Variants in ULK2 observed in about 807,000 individuals in gnomAD.
ULK2 encodes serine/threonine-protein kinase ULK2.
A neutral mutation model predicts 127.5 loss-of-function variants in ULK2; 76 were observed. The ratio of observed to expected loss-of-function variants is 0.60; its 90% CI spans 0.50 to 0.72. ULK2 has a LOEUF of 0.72. ULK2 is among the 30% of genes least tolerant of loss of function. ULK2 has a pLI of 0.00. For missense variants in ULK2, 1,144 were observed against 1,295.9 expected, an observed-to-expected ratio of 0.88 and a Z score of 1.80; for synonymous variants, 452 against 461.9, an observed-to-expected ratio of 0.98 and a Z score of 0.28.
chr17:19,846,119 C>T (rs1047325593), intron 6 of ULK2, among the ~76,000 whole-genome samples: 1 of 152,082 alleles, frequency 6.6e-6, no homozygotes, highest in African/African-American at 2.4e-5. Flanking sequence ...GAGCGAGACT[C>T]CATCTCAGAC....
At chr17:19,835,452 C>T (rs1392844381) in intron 10 of ULK2, among the ~76,000 whole-genome samples, 1 of 151,280 alleles carries the variant, frequency 6.6e-6, no homozygotes, top group Non-Finnish European at 1.5e-5. Context: ...CGCGGTGGCT[C>T]ACGCCTGTAA....
rs1224296072 is a variant in ULK2, at chr17:19,792,668, G to A, written c.2101+2954C>T. 2.0e-5 allele frequency among the ~76,000 whole-genome samples: 3 copies of A among 152,220 alleles called. No homozygotes were observed. In the East Asian group the frequency reaches 5.8e-4, roughly 29 times the overall value. On this transcript the variant is annotated intron_variant, in intron 20 of 26. Transcript: ENST00000395544. ...GCCAGTCTCTCAGAGCTTGCAGTGA[G>A]CCAAGATGATGCCACTGCACTCTAG...
At chr17:19,782,835 G>A (rs899607509) in intron 22 of ULK2, among the ~76,000 whole-genome samples, 1 of 151,904 alleles carries the variant, frequency 6.6e-6, no homozygotes, top group African/African-American at 2.4e-5. Context: ...AGAGTGGCTT[G>A]AACCCAGGAG....
intron 20 of ULK2, among the ~76,000 whole-genome samples, chr17:19,794,987 G>A (rs181484735): frequency 2.0e-5 from 3 of 152,154 alleles, no homozygotes; most frequent in East Asian, 1.9e-4. Flanking sequence ...GCTGAGGCAG[G>A]AGAATGGTGT....
At chr17:19,819,498 T>C (rs1305608209) in intron 12 of ULK2, among the ~76,000 whole-genome samples, 3 of 152,194 alleles carry the variant, frequency 2.0e-5, no homozygotes, top group Non-Finnish European at 4.4e-5. Context: ...CTTACCCGAG[T>C]GACCATGCTC....
In ULK2 at chr17:19,797,514, T is replaced by C. The variant is rs964516986; in HGVS notation, c.1691A>G (p.Gln564Arg). Residue 564 changes from glutamine to arginine, a missense_variant, in exon 18 of 27, where the codon CAG becomes CGG. Physicochemically the swap from Gln to Arg is conservative, Grantham distance 43. Coordinates refer to ENST00000395544, the MANE Select transcript of ULK2 (RefSeq NM_014683.4). ...HTGAGYSYSP[Q>R]PSRPGSLGTS... is the part of the protein sequence containing the mutation. Reference sequence around the variant, plus strand: ...TCCAAGGCTGCCAGGCCGACTGGGCTGAGGCGAGTAGCTGTACCCAGCCCC... The same window carrying C: ...TCCAAGGCTGCCAGGCCGACTGGGCCGAGGCGAGTAGCTGTACCCAGCCCC... 4 of 1,613,846 alleles carry C rather than the reference T, an allele frequency of 2.5e-6. No homozygotes were observed. The highest frequency in any genetic ancestry group is 2.5e-6 in the Non-Finnish European group (3 of 1,180,010).
At chr17:19,856,909 G>A (rs1254211799) in intron 3 of ULK2, among the ~76,000 whole-genome samples, 1 of 138,764 alleles carries the variant, frequency 7.2e-6, no homozygotes, top group Non-Finnish European at 1.6e-5. Context: ...CCCAGGAGGT[G>A]GAGCTTGCAG....
Position 19,810,419 on chromosome 17 carries a change from A to G in ULK2, c.1116T>C (p.Thr372=), listed in dbSNP as rs775762560. 6.2e-7 allele frequency: 1 copy of G among 1,608,612 alleles called. No homozygotes were observed. The highest frequency in any genetic ancestry group is 2.2e-5 in the East Asian group (1 of 44,758). The change falls in exon 14 of 27, where the codon ACT becomes ACC. Residue 372 remains threonine, a synonymous_variant. Coordinates refer to ENST00000395544, the MANE Select transcript of ULK2 (RefSeq NM_014683.4). The part of the protein sequence containing the change: ...SDHSCDMPVG[T]AGRRASNEFL... The stretch of plus-strand genomic sequence containing the variant: ...ATTCATTTGAAGCACGTCTGCCAGC[A>G]GTCCCCACTGGCATATCACCTAAAG...
chr17:19,794,801 A>G (rs2087230475), intron 20 of ULK2, among the ~76,000 whole-genome samples: 1 of 152,034 alleles, frequency 6.6e-6, no homozygotes, highest in African/African-American at 2.4e-5. Flanking sequence ...GGAGTGTATT[A>G]CACATGTTGA....
At chr17:19,848,278 T>C (rs116260632) in intron 5 of ULK2, 3 of 152,244 alleles carry the variant, frequency 2.0e-5, no homozygotes, top group Non-Finnish European at 4.4e-5. Context: ...TTAGTATCCA[T>C]GTACCTATTT....
chr17:19,850,103 A>G lies in ULK2; in HGVS notation c.226-329T>C, dbSNP rs113482018. On this transcript the variant is annotated intron_variant, in intron 3 of 26. Coordinates refer to ENST00000395544, the MANE Select transcript of ULK2 (RefSeq NM_014683.4). ...AGCATGGTAAATTTACAATGGGGAA[A>G]AAGGAAGGATTCTTTGGTCCTTGGG... Among the ~76,000 whole-genome samples the G allele has an allele frequency of 4.8e-3, 727 of 152,300 alleles. 3 individuals are homozygous for G. The highest frequency in any genetic ancestry group is 0.017 in the African/African-American group (700 of 41,562).
intron 19 of ULK2, 93 bp downstream of exon 19, chr17:19,796,002 A>T: frequency 6.7e-7 from 1 of 1,498,268 alleles, no homozygotes; most frequent in East Asian, 2.3e-5. Context: ...ATCACCCGCT[A>T]CACTAATGTA....
chr17:19,790,823 T>C (rs1385423005), intron 20 of ULK2, among the ~76,000 whole-genome samples: 1 of 151,992 alleles, frequency 6.6e-6, no homozygotes, highest in East Asian at 1.9e-4. Flanking sequence ...AAAAAGATAC[T>C]CCACACAATG....
intron 16 of ULK2, among the ~76,000 whole-genome samples, 157 bp downstream of exon 16, chr17:19,801,620 A>C (rs2087399679): frequency 6.6e-6 from 1 of 152,054 alleles, no homozygotes; most frequent in Non-Finnish European, 1.5e-5. Context: ...GAAAAGAGGG[A>C]GTTGGGATTG....
rs75016593 is a variant in ULK2 at position 19,841,552 on chromosome 17, T to TA, written c.646-6dup. The stretch of plus-strand genomic sequence containing the variant: ...TAAGTCTTGAGGACTATTGGCCTAT[T>TA]AAAAAAAAAAAGGTTTAATTTCCTA... On this transcript the variant is annotated splice_polypyrimidine_tract_variant and splice_region_variant and intron_variant, in intron 8 of 26. Coordinates refer to ENST00000395544, the MANE Select transcript of ULK2 (RefSeq NM_014683.4). 0.018 allele frequency: 19,953 copies of TA among 1,133,452 alleles called. 1 individual carries two copies. Among genetic ancestry groups the TA allele is most frequent in the South Asian group, 0.022 (1,308 of 59,246 alleles). The allele number at this position is 1,133,452 out of a possible 1,614,324, so 70.2% of individuals were successfully genotyped here.
intron 11 of ULK2, among the ~76,000 whole-genome samples, chr17:19,825,751 C>T (rs1176645300): frequency 1.3e-5 from 2 of 151,406 alleles, no homozygotes; most frequent in African/African-American, 2.4e-5. Flanking sequence ...CTTTGTGGGG[C>T]TGAGGCGGGT....
At chr17:19,835,187 C>T (rs73980720) in intron 10 of ULK2, among the ~76,000 whole-genome samples, 3,660 of 150,762 alleles carry the variant, frequency 0.024, 123 homozygotes, top group African/African-American at 0.08. Context: ...CGCTCTGTCA[C>T]CCAGGCTGGA....
At chr17:19,801,736 G>T in intron 16 of ULK2, 41 bp downstream of exon 16, 3 of 1,606,046 alleles carry the variant, frequency 1.9e-6, no homozygotes, top group Non-Finnish European at 1.7e-6. Context: ...TTATTACAGT[G>T]AAAAAAAGGT....
rs1051679929 is a variant in ULK2 at position 19,846,607 on chromosome 17, G to A, written c.469+130C>T. 43 of 1,065,168 alleles carry A rather than the reference G, an allele frequency of 4.0e-5. No individual in the cohort carries two copies. In the Admixed American group the frequency reaches 9.2e-4, roughly 23 times the overall value. 66.0% of individuals were successfully genotyped at this position (1,065,168 alleles called of 1,614,324 possible). Reference sequence around the variant, plus strand: ...GTGAGCCAAGATCGCGCCACTACACGCCAGCCTGAGCAACAGAGCGAGACT... The same window carrying A: ...GTGAGCCAAGATCGCGCCACTACACACCAGCCTGAGCAACAGAGCGAGACT... On this transcript the variant is annotated intron_variant, in intron 6 of 26. Coordinates refer to ENST00000395544, the MANE Select transcript of ULK2 (RefSeq NM_014683.4).
Sources: allele counts gnomAD v4.1 joint callset (sites outside exome capture counted in the v4.1 genomes callset), GRCh38; gene constraint gnomAD v4.1.1; transcripts MANE v1.5; gene names NCBI Gene and HGNC (gene_info 2026-07-23, HGNC 2026-07-21).